The following PLCL2 variants were observed in gnomAD, a reference collection of about 807,000 sequenced individuals.
The protein encoded by PLCL2 is phospholipase C like 2.
PLCL2 carries 4 observed loss-of-function variants against 79.6 expected under a neutral mutation model. The observed-to-expected ratio is 0.05, with a 90% CI of 0.02 to 0.11. The LOEUF (loss-of-function observed/expected upper bound fraction) is 0.11. Ranked by LOEUF, PLCL2 falls within the 10% of genes least tolerant of loss-of-function variation. PLCL2 has a pLI of 1.00. For missense variants in PLCL2, 895 were observed against 1,291.0 expected (o/e 0.69, Z 4.70); for synonymous variants, 484 against 457.7 (o/e 1.06, Z -0.73).
chr3:17,028,204 C>T (rs1454390033), intron 3 of PLCL2, among the ~76,000 whole-genome samples: 1 of 152,126 alleles, frequency 6.6e-6, no homozygotes, highest in Non-Finnish European at 1.5e-5. Context: ...TCTGAAAACC[C>T]CTCATTTCCT....
intron 1 of PLCL2, among the ~76,000 whole-genome samples, chr3:16,970,606 T>G (rs1044583174): frequency 6.7e-6 from 1 of 149,392 alleles, no homozygotes; most frequent in Non-Finnish European, 1.5e-5. Flanking sequence ...CAAATGGTAT[T>G]TCTAGTTCTA....
chr3:16,974,319 G>A (rs2063901960), intron 1 of PLCL2, among the ~76,000 whole-genome samples: 1 of 152,202 alleles, frequency 6.6e-6, no homozygotes, highest in Non-Finnish European at 1.5e-5. Flanking sequence ...GGTGACAGTA[G>A]CAAGCTAGGA....
At chr3:17,041,147 T>C (rs2064717168) in intron 3 of PLCL2, among the ~76,000 whole-genome samples, 1 of 152,204 alleles carries the variant, frequency 6.6e-6, no homozygotes, top group South Asian at 2.1e-4. Flanking sequence ...ATAATAAAGT[T>C]CTTAACGATT....
intron 5 of PLCL2, among the ~76,000 whole-genome samples, chr3:17,086,768 G>A (rs1486635699): frequency 1.3e-5 from 2 of 152,022 alleles, no homozygotes; most frequent in African/African-American, 4.8e-5. Context: ...CTGGGCAAAA[G>A]TCTGAGCAGT....
chr3:16,904,851 TTGC>T (rs1696715341), intron 1 of PLCL2, among the ~76,000 whole-genome samples: 1 of 152,202 alleles, frequency 6.6e-6, no homozygotes, highest in Admixed American at 6.5e-5. Context: ...GTACTTCTCC[TTGC>T]TGCTGCCATG....
intron 1 of PLCL2, among the ~76,000 whole-genome samples, chr3:16,956,637 C>T (rs1405228908): frequency 2.6e-5 from 4 of 151,992 alleles, no homozygotes; most frequent in East Asian, 1.9e-4. Context: ...TGGTAGAATT[C>T]GGCTGTGAAT....
intron 1 of PLCL2, among the ~76,000 whole-genome samples, chr3:16,895,945 G>T (rs1234047518): frequency 1.3e-5 from 2 of 152,216 alleles, no homozygotes; most frequent in African/African-American, 4.8e-5. Context: ...TACACTTGGG[G>T]ATAATAATTG....
chr3:16,973,076 A>G (rs1398071143), intron 1 of PLCL2, among the ~76,000 whole-genome samples: 9 of 152,170 alleles, frequency 5.9e-5, no homozygotes, highest in Admixed American at 5.2e-4. Context: ...GCTTTATAGT[A>G]TCAATGGTCT....
rs191022445 is a variant in PLCL2 at position 16,918,450 on chromosome 3, T to C, written c.327+33084T>C. Among the ~76,000 whole-genome samples, 172 of 152,304 alleles carry C rather than the reference T, an allele frequency of 1.1e-3. 2 individuals are homozygous for C. The highest frequency in any genetic ancestry group is 0.011 in the Admixed American group (170 of 15,296). The stretch of plus-strand genomic sequence containing the variant: ...TAGATTTTTATGTATGAAAATGCAA[T>C]TAATTTCAAAGAATAATAGGTGAGT... On this transcript the variant is annotated intron_variant, in intron 1 of 5. Transcript: ENST00000615277.
intron 1 of PLCL2, among the ~76,000 whole-genome samples, chr3:16,986,708 G>A (rs2064054044): frequency 6.6e-6 from 1 of 151,934 alleles, no homozygotes; most frequent in African/African-American, 2.4e-5. Flanking sequence ...TGGCCCCCTA[G>A]GGGTTCTTTA....
intron 4 of PLCL2, among the ~76,000 whole-genome samples, chr3:17,052,251 A>AT (rs1480875774): frequency 1.6e-5 from 2 of 122,018 alleles, no homozygotes; most frequent in African/African-American, 5.2e-5. Flanking sequence ...AAAAAAAAAA[A>AT]AATTGGGGGG....
In PLCL2 at chr3:16,957,973, T is replaced by C. The variant is rs555957458; in HGVS notation, c.328-51701T>C. On this transcript the variant is annotated intron_variant, in intron 1 of 5. Transcript: ENST00000615277. ...ATACAGCACACTGATGGGTCTTGAC[T>C]CTTTATCCAATTTGCCAGTCTGTGT... Among the ~76,000 whole-genome samples, 3 of 152,324 alleles carry C rather than the reference T, an allele frequency of 2.0e-5. No homozygotes were observed. In the East Asian group the frequency reaches 5.8e-4, roughly 29 times the overall value.
At chr3:17,088,090 A>G (rs1300970721) in intron 5 of PLCL2, among the ~76,000 whole-genome samples, 1 of 152,230 alleles carries the variant, frequency 6.6e-6, no homozygotes, top group Non-Finnish European at 1.5e-5. Context: ...TACTAATTAA[A>G]GGACTCTGTA....
At chr3:17,031,176 C>T (rs1326938454) in intron 3 of PLCL2, among the ~76,000 whole-genome samples, 2 of 152,134 alleles carry the variant, frequency 1.3e-5, no homozygotes, top group East Asian at 1.9e-4. Context: ...GAACCATTCT[C>T]ATCAGTTTTT....
chr3:17,075,936 G>A (rs2065104929), intron 5 of PLCL2, among the ~76,000 whole-genome samples: 1 of 152,286 alleles, frequency 6.6e-6, no homozygotes, highest in East Asian at 1.9e-4. Context: ...ATGGACATTT[G>A]TGTTGTTTCC....
chr3:16,999,570 A>G (rs2064186286), intron 1 of PLCL2, among the ~76,000 whole-genome samples: 1 of 152,158 alleles, frequency 6.6e-6, no homozygotes, highest in Non-Finnish European at 1.5e-5. Context: ...ACATTTGGGG[A>G]ATAGGTATTA....
At chr3:17,039,354 C>A (rs1045099162) in intron 3 of PLCL2, among the ~76,000 whole-genome samples, 12 of 152,350 alleles carry the variant, frequency 7.9e-5, no homozygotes, top group South Asian at 6.2e-4. Context: ...GTCCTCTAAG[C>A]CTGCTGGACT....
At chr3:17,065,364 G>T (rs529689715) in intron 4 of PLCL2, among the ~76,000 whole-genome samples, 1 of 152,130 alleles carries the variant, frequency 6.6e-6, no homozygotes, top group African/African-American at 2.4e-5. Flanking sequence ...CCTTCTCAAG[G>T]CAGCCTGTTC....
rs114766804 is a variant in PLCL2, at chr3:16,886,528, T to C, written c.327+1162T>C. Among the ~76,000 whole-genome samples the C allele has an allele frequency of 0.039, 5,964 of 152,320 alleles. 200 individuals carry two copies. The highest frequency in any genetic ancestry group is 0.1 in the Admixed American group (1,580 of 15,300). The stretch of plus-strand genomic sequence containing the variant: ...ACTTATGCAGTAATCTAGTGAAATA[T>C]ACCATCTTGCTACTCTATGTAAGAG... On this transcript the variant is annotated intron_variant, in intron 1 of 5. Coordinates refer to ENST00000615277, the MANE Select transcript of PLCL2 (RefSeq NM_001144382.2). The surrounding 1 kb of genome is among the most constrained non-coding windows in gnomAD (Gnocchi z 4.2).
Sources: gnomAD v4.1 joint callset for allele counts (sites outside exome capture counted in the v4.1 genomes callset) on GRCh38, gnomAD v4.1.1 for gene constraint, Gnocchi (gnomAD v3.1) non-coding constraint, MANE v1.5 for transcripts, NCBI Gene and HGNC (gene_info 2026-07-23, HGNC 2026-07-21) for gene names.